Variants in CDK5RAP2 observed in about 807,000 individuals in gnomAD.
The protein encoded by CDK5RAP2 is CDK5 regulatory subunit associated protein 2.
A neutral mutation model predicts 232.9 loss-of-function variants in CDK5RAP2; 147 were observed. The observed-to-expected ratio is 0.63, with a 90% confidence interval of 0.55 to 0.72. The LOEUF (loss-of-function observed/expected upper bound fraction) is 0.72, where lower values mean the gene tolerates loss of function less well. CDK5RAP2 is among the 30% of genes least tolerant of loss of function. The pLI is 0.00. For missense variants in CDK5RAP2, 2,195 were observed against 2,231.5 expected (o/e 0.98, Z 0.33); for synonymous variants, 833 against 833.7 (o/e 1.00, Z 0.01).
chr9:120,466,107 CT>C (rs1458988462), intron 18 of CDK5RAP2, among the ~76,000 whole-genome samples: 1 of 152,162 alleles, frequency 6.6e-6, no homozygotes, highest in African/African-American at 2.4e-5. Flanking sequence ...AATATACTTG[CT>C]TTTCCCCCCT....
At chr9:120,410,494 C>T (rs1032746586) in intron 29 of CDK5RAP2, among the ~76,000 whole-genome samples, 1 of 152,158 alleles carries the variant, frequency 6.6e-6, no homozygotes, top group African/African-American at 2.4e-5. Flanking sequence ...CTAACTTTAT[C>T]GTGGCTGAGG....
chr9:120,493,046 G>A (rs1206524956), intron 12 of CDK5RAP2, among the ~76,000 whole-genome samples: 1 of 152,180 alleles, frequency 6.6e-6, no homozygotes, highest in East Asian at 1.9e-4. Flanking sequence ...CTAAAGTATA[G>A]TCCCTAGAAC....
At chr9:120,413,822 G>GAGGGAGGAGGGA (rs2034017797) in intron 28 of CDK5RAP2, among the ~76,000 whole-genome samples, 1 of 133,200 alleles carries the variant, frequency 7.5e-6, no homozygotes, top group Non-Finnish European at 1.6e-5. Flanking sequence ...AGGGAGGAGG[G>GAGGGAGGAGGGA]AGGAGGGAGG....
chr9:120,438,367 C>A (rs1044208008), intron 24 of CDK5RAP2, among the ~76,000 whole-genome samples: 4 of 152,190 alleles, frequency 2.6e-5, no homozygotes, highest in African/African-American at 9.7e-5. Flanking sequence ...ACTACATGGG[C>A]TGGCAGTCAC....
At chr9:120,415,236 C>A (rs2034142498) in intron 27 of CDK5RAP2, 77 bp from the exon 28 acceptor site, 5 of 1,529,918 alleles carry the variant, frequency 3.3e-6, no homozygotes, top group Non-Finnish European at 4.5e-6. Flanking sequence ...ATGCAGGGAT[C>A]CTGAAATTCC....
At chr9:120,418,234 T>C (rs1356343087) in intron 27 of CDK5RAP2, among the ~76,000 whole-genome samples, 1 of 152,124 alleles carries the variant, frequency 6.6e-6, no homozygotes, top group Non-Finnish European at 1.5e-5. Flanking sequence ...GAGGGCATCA[T>C]AAGCCCAAGG....
At chr9:120,563,192 G>C (rs769741705) in intron 3 of CDK5RAP2, among the ~76,000 whole-genome samples, 28 of 152,134 alleles carry the variant, frequency 1.8e-4, no homozygotes, top group Non-Finnish European at 3.7e-4. Context: ...TCAAGGAAAG[G>C]GAGAAAGGGT....
At position 120,564,753 on chromosome 9, in the gene CDK5RAP2, A is replaced by G. The variant is rs113475997; in HGVS notation, c.195+3568T>C. ...TCAAAAGCCAAGATTAAACTCTTCC[A>G]TATGTTCACAAAGATAGCTACTTGG... On this transcript the variant is annotated intron_variant, in intron 3 of 37. Transcript: ENST00000349780. Among the ~76,000 whole-genome samples, 1,219 of 152,306 alleles carry G rather than the reference A, an allele frequency of 8.0e-3. 11 individuals carry two copies. Among genetic ancestry groups the G allele is most frequent in the Middle Eastern group, 0.02 (6 of 294 alleles).
chr9:120,459,678 T>G (rs778903429), intron 19 of CDK5RAP2, among the ~76,000 whole-genome samples: 7 of 152,236 alleles, frequency 4.6e-5, no homozygotes, highest in Non-Finnish European at 7.3e-5. Flanking sequence ...ACAAGGAAAC[T>G]CAGGCTTAGA....
chr9:120,437,423 G>T lies in CDK5RAP2; in HGVS notation c.3827C>A (p.Thr1276Asn). 2 of 1,614,104 alleles carry T rather than the reference G, an allele frequency of 1.2e-6. No individual in the cohort carries two copies. The highest frequency in any genetic ancestry group is 8.5e-7 in the Non-Finnish European group (1 of 1,179,972). The change falls in exon 25 of 38, where the codon ACC becomes AAC. Residue 1276 changes from threonine (T) to asparagine (N), a missense_variant. Transcript: ENST00000349780. ...ICVISRQHMN[T>N]MIKAFEELLQ... Reference sequence around the variant, plus strand: ...CAACTCCTCAAATGCCTTAATCATGGTGTTCATGTGTTGACGGGAGATGAC... The same window carrying T: ...CAACTCCTCAAATGCCTTAATCATGTTGTTCATGTGTTGACGGGAGATGAC...
intron 14 of CDK5RAP2, among the ~76,000 whole-genome samples, chr9:120,481,814 G>A (rs1224090938): frequency 4.6e-5 from 7 of 152,120 alleles, no homozygotes; most frequent in Non-Finnish European, 8.8e-5. Flanking sequence ...TGCCGGGCCT[G>A]TATGTCAATA....
intron 25 of CDK5RAP2, among the ~76,000 whole-genome samples, chr9:120,427,380 T>C (rs1286876966): frequency 1.3e-5 from 2 of 152,356 alleles, no homozygotes; most frequent in African/African-American, 2.4e-5. Flanking sequence ...GCTTAAATAA[T>C]GTCATTTCAT....
chr9:120,415,097 T>C lies in CDK5RAP2; in HGVS notation c.4240A>G (p.Lys1414Glu). 1.2e-6 allele frequency: 2 copies of C among 1,614,172 alleles called. No individual in the cohort carries two copies. Among genetic ancestry groups the C allele is most frequent in the Non-Finnish European group, 1.7e-6 (2 of 1,179,968 alleles). Residue 1414 changes from lysine to glutamate, a missense_variant, in exon 28 of 38, where the codon AAA becomes GAA. Transcript: ENST00000349780. Reference protein sequence around the residue: ...TLRKRLEESIKTNEKLRKQLE... With the variant: ...TLRKRLEESIETNEKLRKQLE... ...TGTTTCCGTAGCTTCTCATTTGTTT[T>C]AATAGATTCTTCTAAACGCTTTCTC...
intron 35 of CDK5RAP2, among the ~76,000 whole-genome samples, chr9:120,395,542 C>G (rs2032389724): frequency 6.6e-6 from 1 of 152,234 alleles, no homozygotes; most frequent in Non-Finnish European, 1.5e-5. Flanking sequence ...AACCAGCTCC[C>G]AGGGGGAAGG....
intron 12 of CDK5RAP2, among the ~76,000 whole-genome samples, chr9:120,509,457 T>C (rs539877769): frequency 2.0e-5 from 3 of 152,352 alleles, no homozygotes; most frequent in African/African-American, 7.2e-5. Flanking sequence ...TATTCATTTG[T>C]TTAATCCTAA....
chr9:120,540,780 C>T (rs114843452), intron 5 of CDK5RAP2, among the ~76,000 whole-genome samples: 1,948 of 152,336 alleles, frequency 0.013, 41 homozygotes, highest in African/African-American at 0.043. Context: ...TGCTCACACA[C>T]GTCGGCCTGT....
intron 5 of CDK5RAP2, among the ~76,000 whole-genome samples, chr9:120,540,953 C>T (rs895028827): frequency 1.3e-5 from 2 of 152,222 alleles, no homozygotes; most frequent in African/African-American, 2.4e-5. Context: ...TGATTAATAC[C>T]ATTGAATGCC....
intron 3 of CDK5RAP2, among the ~76,000 whole-genome samples, chr9:120,561,773 A>G (rs2042472777): frequency 1.3e-5 from 2 of 152,210 alleles, no homozygotes; most frequent in Admixed American, 1.3e-4. Flanking sequence ...TTTCTTAAGT[A>G]TTTTTCATAT....
intron 25 of CDK5RAP2, among the ~76,000 whole-genome samples, chr9:120,425,664 C>T (rs994010720): frequency 6.6e-6 from 1 of 152,232 alleles, no homozygotes; most frequent in Non-Finnish European, 1.5e-5. Flanking sequence ...ACAGTACTTC[C>T]GAGCTCAAAA....
Sources: gnomAD v4.1 joint callset for allele counts (sites outside exome capture counted in the v4.1 genomes callset) on GRCh38, gnomAD v4.1.1 for gene constraint, MANE v1.5 for transcripts, NCBI Gene and HGNC (gene_info 2026-07-23, HGNC 2026-07-21) for gene names.